NDST3: variants seen among roughly 807,000 people sequenced by gnomAD.
NDST3 encodes the protein bifunctional heparan sulfate N-deacetylase/N-sulfotransferase 3.
In NDST3, 58 loss-of-function variants were observed where a neutral mutation model predicts 96.1. The observed-to-expected ratio is 0.60, with a 90% CI of 0.49 to 0.75. The LOEUF (loss-of-function observed/expected upper bound fraction) is 0.75, where lower values mean the gene tolerates loss of function less well. NDST3 is among the 30% of genes least tolerant of loss of function. The probability of loss-of-function intolerance (pLI) is 0.00; values close to 1 mark genes in which losing one functional copy is unlikely to be tolerated. For synonymous variants in NDST3, 333 were observed against 359.7 expected (o/e 0.93, Z 0.84); for missense variants, 788 against 1,034.2 (o/e 0.76, Z 3.27).
At chr4:118,253,289 G>A (rs1741873792) in intron 12 of NDST3, among the ~76,000 whole-genome samples, 1 of 152,136 alleles carries the variant, frequency 6.6e-6, no homozygotes, top group Non-Finnish European at 1.5e-5. Flanking sequence ...TCACAAATAT[G>A]ACAGATGAAC....
intron 5 of NDST3, among the ~76,000 whole-genome samples, chr4:118,142,069 A>G (rs1396531832): frequency 6.6e-6 from 1 of 152,148 alleles, no homozygotes; most frequent in Non-Finnish European, 1.5e-5. Context: ...TTACATTTAT[A>G]ATAGTTGTTA....
At chr4:118,137,804 A>T (rs987513700) in intron 4 of NDST3, among the ~76,000 whole-genome samples, 6 of 152,182 alleles carry the variant, frequency 3.9e-5, no homozygotes, top group Non-Finnish European at 1.5e-5. Context: ...CTTTCAAATT[A>T]TTCATTAAAA....
At chr4:118,138,495 A>C (rs1044644105) in intron 5 of NDST3, among the ~76,000 whole-genome samples, 1 of 152,228 alleles carries the variant, frequency 6.6e-6, no homozygotes, top group Non-Finnish European at 1.5e-5. Context: ...ATACTAAAAA[A>C]AAATTACATT....
rs111308703 is a variant in NDST3, at chr4:118,183,945, C to T, written c.1539+40261C>T. 9.7e-4 allele frequency among the ~76,000 whole-genome samples: 147 copies of T among 152,284 alleles called. 2 individuals are homozygous for T. The highest frequency in any genetic ancestry group is 3.2e-3 in the African/African-American group (132 of 41,558). ...GGCTGTAGCCTGCACAGATGTACCA[C>T]GGGGCACTCACTCAAATGCAAAGTC... On this transcript the variant is annotated intron_variant, in intron 6 of 13. Coordinates refer to ENST00000296499, the MANE Select transcript of NDST3 (RefSeq NM_004784.3).
intron 6 of NDST3, among the ~76,000 whole-genome samples, chr4:118,168,471 C>T (rs958559674): frequency 6.6e-6 from 1 of 151,962 alleles, no homozygotes; most frequent in African/African-American, 2.4e-5. Flanking sequence ...CATATATATA[C>T]ACACAAGTGC....
intron 4 of NDST3, among the ~76,000 whole-genome samples, chr4:118,115,273 T>C (rs971362377): frequency 1.3e-5 from 2 of 152,000 alleles, no homozygotes; most frequent in Non-Finnish European, 2.9e-5. Context: ...AAGGCAGAAA[T>C]ATGCATGTTA....
chr4:118,072,896 T>A (rs1371624336), intron 2 of NDST3, among the ~76,000 whole-genome samples: 1 of 152,132 alleles, frequency 6.6e-6, no homozygotes, highest in Non-Finnish European at 1.5e-5. Flanking sequence ...TTCTGAGGTA[T>A]GTTCCTTCAA....
chr4:118,051,596 C>T (rs1337584448), intron 1 of NDST3, among the ~76,000 whole-genome samples: 3 of 151,882 alleles, frequency 2.0e-5, no homozygotes, highest in Admixed American at 2.0e-4. Context: ...AGGCAAAGGA[C>T]ATGAGCAGAT....
At chr4:118,150,801 A>C (rs1734337667) in intron 6 of NDST3, among the ~76,000 whole-genome samples, 1 of 152,028 alleles carries the variant, frequency 6.6e-6, no homozygotes, top group Non-Finnish European at 1.5e-5. Flanking sequence ...ACTGTAAACT[A>C]GTTCAACCAT....
chr4:118,226,974 A>C lies in NDST3; in HGVS notation c.1811A>C (p.Gln604Pro). The change falls in exon 8 of 14, where the codon CAG becomes CCG. Residue 604 changes from glutamine (Q) to proline (P), a missense_variant. Physicochemically the swap from Gln to Pro is moderately conservative, Grantham distance 76. Transcript: ENST00000296499. Reference sequence around the variant, plus strand: ...CCAAAATTCTTGGTAATAGGACCCCAGAAAACTGGTGAGAACTTTTTATGT... The same window carrying C: ...CCAAAATTCTTGGTAATAGGACCCCCGAAAACTGGTGAGAACTTTTTATGT... ...RLPKFLVIGP[Q>P]KTGTTALYLF... 1 of 1,608,756 alleles carries C rather than the reference A, an allele frequency of 6.2e-7. No homozygotes were observed. The highest frequency in any genetic ancestry group is 8.5e-7 in the Non-Finnish European group (1 of 1,175,874).
chr4:118,060,365 C>G (rs963774951), intron 2 of NDST3, among the ~76,000 whole-genome samples: 7 of 152,160 alleles, frequency 4.6e-5, no homozygotes, highest in African/African-American at 1.7e-4. Context: ...GCTAATACAG[C>G]TATACCAGCT....
chr4:118,107,054 C>T lies in NDST3; in HGVS notation c.1069+1949C>T, dbSNP rs528970882. Among the ~76,000 whole-genome samples the T allele has an allele frequency of 1.1e-3, 161 of 152,272 alleles. 1 individual carries two copies. The highest frequency in any genetic ancestry group is 3.8e-3 in the African/African-American group (156 of 41,554). On this transcript the variant is annotated intron_variant, in intron 3 of 13. Coordinates refer to ENST00000296499, the MANE Select transcript of NDST3 (RefSeq NM_004784.3). ...GCAGTGAGCCGAGATTGCGCCACTG[C>T]ACTCCAGCCTGGGCTACAGAGCGAG...
At chr4:118,195,279 G>GT (rs1737596085) in intron 6 of NDST3, among the ~76,000 whole-genome samples, 1 of 152,130 alleles carries the variant, frequency 6.6e-6, no homozygotes, top group Non-Finnish European at 1.5e-5. Flanking sequence ...ACCTTGAATT[G>GT]TAATAGTCTC....
intron 2 of NDST3, among the ~76,000 whole-genome samples, chr4:118,101,573 G>T (rs967183579): frequency 2.0e-5 from 3 of 152,022 alleles, no homozygotes; most frequent in Non-Finnish European, 4.4e-5. Context: ...TGCAGAAATG[G>T]TTGCTTCATT....
intron 2 of NDST3, among the ~76,000 whole-genome samples, chr4:118,074,357 C>T (rs1727324850): frequency 6.6e-6 from 1 of 151,896 alleles, no homozygotes; most frequent in Non-Finnish European, 1.5e-5. Flanking sequence ...TGAAGTCTCC[C>T]ATTATTACTA....
chr4:118,034,963 A>G (rs548107861), intron 1 of NDST3, among the ~76,000 whole-genome samples: 1 of 152,242 alleles, frequency 6.6e-6, no homozygotes, highest in Non-Finnish European at 1.5e-5. Context: ...CTACCTGCCT[A>G]TCTACACAGT....
intron 6 of NDST3, among the ~76,000 whole-genome samples, chr4:118,211,765 T>C (rs895016355): frequency 1.4e-4 from 21 of 152,292 alleles, no homozygotes; most frequent in African/African-American, 5.1e-4. Flanking sequence ...ATGGTTAGCC[T>C]AATTAAAGCT....
intron 3 of NDST3, among the ~76,000 whole-genome samples, chr4:118,114,412 CT>C (rs1228170380): frequency 6.6e-6 from 1 of 152,172 alleles, no homozygotes; most frequent in African/African-American, 2.4e-5. Flanking sequence ...TCACAATGAC[CT>C]ACTACTACTG....
intron 2 of NDST3, among the ~76,000 whole-genome samples, chr4:118,099,586 C>T (rs1729606911): frequency 6.6e-6 from 1 of 151,974 alleles, no homozygotes; most frequent in South Asian, 2.1e-4. Flanking sequence ...GATTTCTTGT[C>T]AAGGGAGTTT....
Sources: allele counts gnomAD v4.1 joint callset (sites outside exome capture counted in the v4.1 genomes callset), GRCh38; gene constraint gnomAD v4.1.1; transcripts MANE v1.5; gene names NCBI Gene and HGNC (gene_info 2026-07-23, HGNC 2026-07-21).